NOX5: variants seen among roughly 807,000 people sequenced by gnomAD.
The protein encoded by NOX5 is NADPH oxidase, EF-hand calcium binding domain 5.
In NOX5, 76 loss-of-function variants were observed where a neutral mutation model predicts 85.7. The observed-to-expected ratio is 0.89, with a 90% CI of 0.74 to 1.07. The LOEUF (loss-of-function observed/expected upper bound fraction) is 1.07, where lower values mean the gene tolerates loss of function less well. NOX5 is among the 50% of genes least tolerant of loss of function. The pLI is 0.00. For synonymous variants in NOX5, 405 were observed against 401.4 expected (o/e 1.01, Z -0.11); for missense variants, 973 against 999.5 (o/e 0.97, Z 0.36).
At chr15:69,029,760 G>T (rs1420211433) in intron 3 of NOX5, 1 of 151,240 alleles carries the variant, frequency 6.6e-6, no homozygotes, top group Non-Finnish European at 1.5e-5. Flanking sequence ...GCTCATTGCA[G>T]CCTCCACCTC....
At position 69,026,777 on chromosome 15, in the gene NOX5, C is replaced by T. The variant is rs151145531; in HGVS notation, c.174+126C>T. On this transcript the variant is annotated intron_variant, in intron 2 of 15. Transcript: ENST00000388866. Reference sequence around the variant, plus strand: ...CCTGAGGTCTCCACCTTGTAGCGGGCTGGCGGGATGTTTATGGCACCCTCC... The same window carrying T: ...CCTGAGGTCTCCACCTTGTAGCGGGTTGGCGGGATGTTTATGGCACCCTCC... 153 of 1,315,924 alleles carry T rather than the reference C, an allele frequency of 1.2e-4. No individual in the cohort carries two copies. In the African/African-American group the frequency reaches 1.9e-3, roughly 16 times the overall value. 81.5% of individuals were successfully genotyped at this position (1,315,924 alleles called of 1,614,324 possible). A position where few individuals can be genotyped will look rare whatever the true frequency, so the allele number is the denominator to read the frequency against.
At chr15:69,045,570 TC>T (rs33913157) in intron 10 of NOX5, among the ~76,000 whole-genome samples, 324 of 13,680 alleles carry the variant, frequency 0.024, no homozygotes, top group African/African-American at 0.06. Context: ...CTTTCTTTCT[TC>T]CCTTTCTTTC....
At chr15:69,025,930 TG>T (rs1374250257) in intron 1 of NOX5, among the ~76,000 whole-genome samples, 1 of 152,214 alleles carries the variant, frequency 6.6e-6, no homozygotes, top group Admixed American at 6.5e-5. Context: ...GGCTGAATCC[TG>T]GCTTGATCCA....
At chr15:69,043,803 T>C (rs1345774163) in intron 10 of NOX5, among the ~76,000 whole-genome samples, 3 of 152,172 alleles carry the variant, frequency 2.0e-5, no homozygotes, top group Non-Finnish European at 4.4e-5. Context: ...TGGCGCAACT[T>C]TCTGGCAGGC....
chr15:69,015,232 G>T (rs943816052), intron 1 of NOX5, among the ~76,000 whole-genome samples: 1 of 152,028 alleles, frequency 6.6e-6, no homozygotes, highest in Non-Finnish European at 1.5e-5. Context: ...GAAGATTCCC[G>T]CTCCTTCCTG....
intron 3 of NOX5, chr15:69,030,466 G>A (rs1374068221): frequency 6.6e-6 from 1 of 152,162 alleles, no homozygotes; most frequent in Non-Finnish European, 1.5e-5. Context: ...AGAGGGAGAA[G>A]GAAGGAGAAT....
chr15:69,018,603 G>T (rs546740095), intron 1 of NOX5, among the ~76,000 whole-genome samples: 1 of 151,456 alleles, frequency 6.6e-6, no homozygotes, highest in East Asian at 2.0e-4. Context: ...TCAGAGGGCG[G>T]ATTCTCATCT....
At chr15:69,037,639 T>G (rs1383713486) in intron 8 of NOX5, 2 of 159,424 alleles carry the variant, frequency 1.3e-5, no homozygotes, top group Admixed American at 1.2e-4. Context: ...AGAAAAAGCT[T>G]CAGAATAAGG....
chr15:69,023,184 G>A (rs564003931), intron 1 of NOX5: 42 of 281,476 alleles, frequency 1.5e-4, no homozygotes, highest in African/African-American at 8.5e-4. Flanking sequence ...TGTAGAGACC[G>A]CTAAGAGAGA....
chr15:69,028,123 C>A, intron 2 of NOX5, 92 bp from the exon 3 acceptor site: 1 of 1,402,914 alleles, frequency 7.1e-7, no homozygotes, highest in Non-Finnish European at 9.6e-7. Flanking sequence ...CACCCCCCCA[C>A]CACCACCCCA....
Position 69,038,923 on chromosome 15 carries a change from A to C in NOX5, c.1438A>C (p.Asn480His), listed in dbSNP as rs772982711. 5.6e-6 allele frequency: 9 copies of C among 1,613,904 alleles called. No homozygotes were observed. In the African/African-American group the frequency reaches 1.1e-4, roughly 19 times the overall value. Residue 480 changes from asparagine to histidine, a missense_variant, in exon 9 of 16, where the codon AAC becomes CAC. Coordinates refer to ENST00000388866, the MANE Select transcript of NOX5 (RefSeq NM_024505.4). ...TAGACCTGGTGACTACTTGTATCTG[A>C]ACATCCCCACCATTGCTCGCTATGA... ...HYRPGDYLYL[N>H]IPTIARYEWH...
chr15:69,035,877 C>T lies in NOX5; in HGVS notation c.1129C>T (p.Leu377=), dbSNP rs2050509373. Residue 377 remains leucine, a synonymous_variant, in exon 7 of 16, where the codon CTG becomes TTG. Coordinates refer to ENST00000388866, the MANE Select transcript of NOX5 (RefSeq NM_024505.4). ...CCCGACAGGTGTCGCTCTGCTGCTG[C>T]TGCTCCTCCTCATGTTCATCTGCTC... ...ASPTGVALLL[L]LLLMFICSSS... is the part of the protein sequence containing the mutation. The T allele has an allele frequency of 6.2e-7, 1 of 1,614,036 alleles. No individual in the cohort carries two copies.
At chr15:69,039,066 C>A in intron 9 of NOX5, 77 bp downstream of exon 9, 1 of 1,502,292 alleles carries the variant, frequency 6.7e-7, no homozygotes, top group Non-Finnish European at 9.2e-7. Context: ...GCTGGAAACT[C>A]GGAACACAGC....
At chr15:69,047,335 C>A (rs780470829) in intron 11 of NOX5, 78 bp from the exon 12 acceptor site, 12 of 1,480,212 alleles carry the variant, frequency 8.1e-6, no homozygotes, top group Non-Finnish European at 9.8e-6. Flanking sequence ...GGTTCTGAAG[C>A]CCTGGGGACA....
rs1385508121 is a variant in NOX5 at position 69,038,949 on chromosome 15, G to A, written c.1464G>A (p.Glu488=). ...ACATCCCCACCATTGCTCGCTATGA[G>A]TGGCACCCCTTCACCATCAGCAGTG... ...YLNIPTIARY[E]WHPFTISSAP... Residue 488 remains glutamate, a synonymous_variant, in exon 9 of 16, where the codon GAG becomes GAA. Transcript: ENST00000388866. 1.2e-6 allele frequency: 2 copies of A among 1,614,090 alleles called. No individual in the cohort carries two copies. The highest frequency in any genetic ancestry group is 8.5e-7 in the Non-Finnish European group (1 of 1,180,024).
rs1417158302 is a variant in NOX5, at chr15:69,037,130, T to C, written c.1291T>C (p.Phe431Leu). The change falls in exon 8 of 16, where the codon TTC becomes CTC. Residue 431 changes from phenylalanine (F) to leucine (L), a missense_variant. Coordinates refer to ENST00000388866, the MANE Select transcript of NOX5 (RefSeq NM_024505.4). ...GCTGCTGGTGCCTGGAATCTTGTTT[T>C]TCCTGGAGAAGGCCATCGGACTGGC... ...KWLLVPGILF[F>L]LEKAIGLAVS... is the part of the protein sequence containing the mutation. 3 of 1,614,018 alleles carry C rather than the reference T, an allele frequency of 1.9e-6. No homozygotes were observed. Among genetic ancestry groups the C allele is most frequent in the Non-Finnish European group, 1.7e-6 (2 of 1,180,048 alleles).
intron 1 of NOX5, among the ~76,000 whole-genome samples, chr15:69,015,122 A>G (rs1013657047): frequency 6.6e-6 from 1 of 152,182 alleles, no homozygotes; most frequent in African/African-American, 2.4e-5. Context: ...TGGGCTGGTC[A>G]TTCAGCTGGT....
chr15:69,026,781 C>A, intron 2 of NOX5, 130 bp downstream of exon 2: 1 of 1,282,474 alleles, frequency 7.8e-7, no homozygotes, highest in Non-Finnish European at 1.1e-6. Flanking sequence ...AGCGGGCTGG[C>A]GGGATGTTTA....
Position 69,055,458 on chromosome 15 carries a change from G to C in NOX5, c.2124G>C (p.Gly708=), listed in dbSNP as rs749445476. 1 of 1,614,166 alleles carries C rather than the reference G, an allele frequency of 6.2e-7. No homozygotes were observed. Among genetic ancestry groups the C allele is most frequent in the East Asian group, 2.2e-5 (1 of 44,886 alleles). The change falls in exon 15 of 16, where the codon GGG becomes GGC. Residue 708 remains glycine, a synonymous_variant. Transcript: ENST00000388866. Reference sequence around the variant, plus strand: ...AGGAGAAGAAAGACTCCATCACGGGGCTGCAGACGCGCACCCAGCCTGGGC... The same window carrying C: ...AGGAGAAGAAAGACTCCATCACGGGCCTGCAGACGCGCACCCAGCCTGGGC... ...ANKEKKDSIT[G]LQTRTQPGRP...
Sources: allele counts gnomAD v4.1 joint callset (sites outside exome capture counted in the v4.1 genomes callset), GRCh38; gene constraint gnomAD v4.1.1; transcripts MANE v1.5; gene names NCBI Gene and HGNC (gene_info 2026-07-23, HGNC 2026-07-21).